Variants in CST2 observed in about 807,000 individuals in gnomAD.
The protein encoded by CST2 is cystatin SA.
In CST2, 26 loss-of-function variants were observed where a neutral mutation model predicts 13.4. The ratio of observed to expected loss-of-function variants is 1.95; its 90% confidence interval spans 1.43 to 2.70. CST2 has a LOEUF of 2.70. Among genes scored for constraint, CST2 ranks in the 30% most tolerant of loss-of-function variants. The pLI, the probability that CST2 is intolerant of heterozygous loss-of-function variation, is 0.00. For synonymous variants in CST2, 105 were observed against 71.1 expected (o/e 1.48, Z -2.40); for missense variants, 243 against 173.4 (o/e 1.40, Z -2.25).
At position 23,823,953 on chromosome 20, in the gene CST2, C is replaced by CCCA; in HGVS notation, c.*66_*67insTGG. 6.4e-7 allele frequency: 1 copy of CCCA among 1,567,346 alleles called. No individual in the cohort carries two copies. Among genetic ancestry groups the CCCA allele is most frequent in the Non-Finnish European group, 8.8e-7 (1 of 1,140,382 alleles). ...CTCCCACAGGGTGGGGGCCACCAGT[C>CCCA]CAGGGGTGGGAGCACTACAAGGGGT... On this transcript the variant is annotated 3_prime_UTR_variant, in exon 3 of 3. Transcript: ENST00000304725.
Position 23,826,649 on chromosome 20 carries a change from G to A in CST2, c.12C>T (p.Pro4=). 6.2e-7 allele frequency: 1 copy of A among 1,605,110 alleles called. No individual in the cohort carries two copies. Among genetic ancestry groups the A allele is most frequent in the Middle Eastern group, 2.0e-4 (1 of 5,084 alleles). The change falls in exon 1 of 3, where the codon CCC becomes CCT. Residue 4 remains proline (P), a synonymous_variant. Coordinates refer to ENST00000304725, the MANE Select transcript of CST2 (RefSeq NM_001322.3). ...CCAGCAGGAGCAGCAGGGTGCACAG[G>A]GGCCAGGCCATGGTCTCCTCGGAGG... MAW[P]LCTLLLLLAT...
chr20:23,826,643 G>T lies in CST2; in HGVS notation c.18C>A (p.Cys6Ter). The change falls in exon 1 of 3, where the codon TGC (cysteine) becomes TGA (stop). Residue 6 changes from cysteine (C) to a stop codon, truncating the protein, a stop_gained. Transcript: ENST00000304725. LOFTEE classifies it high-confidence loss of function. MAWPL[C>*]TLLLLLATQA... is the part of the protein sequence containing the mutation. ...GGGTGGCCAGCAGGAGCAGCAGGGT[G>T]CACAGGGGCCAGGCCATGGTCTCCT... 3.1e-6 allele frequency: 5 copies of T among 1,607,100 alleles called. No individual in the cohort carries two copies. The highest frequency in any genetic ancestry group is 4.2e-6 in the Non-Finnish European group (5 of 1,177,308).
chr20:23,824,892 C>G (rs2122133946), intron 2 of CST2, among the ~76,000 whole-genome samples: 1 of 152,176 alleles, frequency 6.6e-6, no homozygotes, highest in East Asian at 1.9e-4. Context: ...ACATAGGCAA[C>G]TACGTAAACT....
At chr20:23,826,372 T>C in intron 1 of CST2, 61 bp downstream of exon 1, 1 of 1,358,446 alleles carries the variant, frequency 7.4e-7, no homozygotes, top group Non-Finnish European at 1.0e-6. Flanking sequence ...CGAATGCTCT[T>C]ATGGATCGGG....
In CST2 at chr20:23,826,604, C is replaced by T; in HGVS notation, c.57G>A (p.Leu19=). 1.2e-6 allele frequency: 2 copies of T among 1,613,322 alleles called. No homozygotes were observed. The highest frequency in any genetic ancestry group is 1.7e-6 in the Non-Finnish European group (2 of 1,179,864). Residue 19 remains leucine, a synonymous_variant, in exon 1 of 3, where the codon CTG becomes CTA. Coordinates refer to ENST00000304725, the MANE Select transcript of CST2 (RefSeq NM_001322.3). The part of the protein sequence containing the change: ...LLLLATQAVA[L]AWSPQEEDRI... ...TGTCCTCCTCCTGGGGGCTCCAGGC[C>T]AGGGCCACAGCCTGGGTGGCCAGCA... is the stretch of plus-strand genomic sequence containing the variant.
rs112783512 is a variant in CST2 at position 23,826,465 on chromosome 20, G to A, written c.196C>T (p.Arg66Cys). ...CTGGCTCGTAGCACCCGCAGCAGGC[G>A]TCTGTAGTACTCATCTTCAGTGGCC... ...NKATEDEYYR[R>C]LLRVLRAREQ... The change falls in exon 1 of 3, where the codon CGC becomes TGC. Residue 66 changes from arginine (R) to cysteine (C), a missense_variant. Arg to Cys is a radical substitution (Grantham distance 180, BLOSUM62 -3). Transcript: ENST00000304725. 1.3e-4 allele frequency: 206 copies of A among 1,614,168 alleles called. No homozygotes were observed. Among genetic ancestry groups the A allele is most frequent in the African/African-American group, 8.3e-4 (62 of 75,056 alleles).
chr20:23,824,134 T>A, intron 2 of CST2, 31 bp from the exon 3 acceptor site: 1 of 1,609,762 alleles, frequency 6.2e-7, no homozygotes. Context: ...GGCCAATCAG[T>A]GTGAGTTACA....
chr20:23,825,776 G>T (rs1170222991), intron 1 of CST2, among the ~76,000 whole-genome samples: 1 of 152,216 alleles, frequency 6.6e-6, no homozygotes, highest in African/African-American at 2.4e-5. Context: ...ACAGCTGCAG[G>T]AGGAGAAATG....
chr20:23,826,480 C>T lies in CST2; in HGVS notation c.181G>A (p.Asp61Asn). 1 of 1,614,178 alleles carries T rather than the reference C, an allele frequency of 6.2e-7. No homozygotes were observed. Among genetic ancestry groups the T allele is most frequent in the Non-Finnish European group, 8.5e-7 (1 of 1,180,026 alleles). The change falls in exon 1 of 3, where the codon GAT becomes AAT. Residue 61 changes from aspartate to asparagine, a missense_variant. Asp to Asn is a conservative substitution (Grantham distance 23). Transcript: ENST00000304725. Reference sequence around the variant, plus strand: ...CGCAGCAGGCGTCTGTAGTACTCATCTTCAGTGGCCTTGTTATACTCGCTG... The same window carrying T: ...CGCAGCAGGCGTCTGTAGTACTCATTTTCAGTGGCCTTGTTATACTCGCTG... ...VISEYNKATE[D>N]EYYRRLLRVL...
chr20:23,824,581 G>A (rs1279438851), intron 2 of CST2, among the ~76,000 whole-genome samples: 2 of 152,186 alleles, frequency 1.3e-5, no homozygotes, highest in Non-Finnish European at 2.9e-5. Context: ...ACAAGAACCA[G>A]CAGGTCCCTG....
rs1301517242 is a variant in CST2 at position 23,825,202 on chromosome 20, G to A, written c.342+8C>T. 1.2e-6 allele frequency: 2 copies of A among 1,614,004 alleles called. No individual in the cohort carries two copies. Among genetic ancestry groups the A allele is most frequent in the Admixed American group, 3.3e-5 (2 of 59,998 alleles). On this transcript the variant is annotated splice_region_variant and intron_variant, in intron 2 of 2. Transcript: ENST00000304725. ...ATGACTGGCCTGGGACCCGCATCAG[G>A]AACGTACCTTCTGCAGTTCTGGCTG...
intron 1 of CST2, 46 bp downstream of exon 1, chr20:23,826,387 A>T: frequency 6.5e-7 from 1 of 1,541,368 alleles, no homozygotes; most frequent in Non-Finnish European, 9.0e-7. Context: ...ATCGGGCAAC[A>T]AACAAGGCTG....
chr20:23,824,376 G>C (rs1984760627), intron 2 of CST2, among the ~76,000 whole-genome samples: 1 of 152,118 alleles, frequency 6.6e-6, no homozygotes, highest in Admixed American at 6.5e-5. Flanking sequence ...GCCTGTGCAA[G>C]ACCTTGGGAG....
At chr20:23,825,008 G>A (rs1679480499) in intron 2 of CST2, among the ~76,000 whole-genome samples, 1 of 151,998 alleles carries the variant, frequency 6.6e-6, no homozygotes, top group African/African-American at 2.4e-5. Context: ...GCACATGTGT[G>A]TACACACATG....
intron 1 of CST2, among the ~76,000 whole-genome samples, chr20:23,825,789 G>A (rs1458933426): frequency 1.3e-5 from 2 of 152,188 alleles, no homozygotes; most frequent in African/African-American, 2.4e-5. Flanking sequence ...GAGAAATGGG[G>A]CTGGTCTGGA....
Position 23,823,944 on chromosome 20 carries a change from G to T in CST2, c.*76C>A. 2 of 1,520,726 alleles carry T rather than the reference G, an allele frequency of 1.3e-6. No individual in the cohort carries two copies. The highest frequency in any genetic ancestry group is 1.8e-6 in the Non-Finnish European group (2 of 1,100,684). The allele number at this position is 1,520,726 out of a possible 1,614,324, so 94.2% of individuals were successfully genotyped here. A position where few individuals can be genotyped will look rare whatever the true frequency, so the allele number is the denominator to read the frequency against. ...TGGGGAGACCTCCCACAGGGTGGGG[G>T]CCACCAGTCCAGGGGTGGGAGCACT... On this transcript the variant is annotated 3_prime_UTR_variant, in exon 3 of 3. Transcript: ENST00000304725.
chr20:23,825,440 A>G (rs971697396), intron 1 of CST2, 117 bp from the exon 2 acceptor site: 3 of 1,032,174 alleles, frequency 2.9e-6, no homozygotes, highest in African/African-American at 3.1e-5. Flanking sequence ...AGCTGCCCAC[A>G]TGTCAACACA....
At chr20:23,824,315 C>T (rs6138124) in intron 2 of CST2, among the ~76,000 whole-genome samples, 10,173 of 152,168 alleles carry the variant, frequency 0.067, 379 homozygotes, top group South Asian at 0.11. Flanking sequence ...TGGCATTGGG[C>T]CCCCACCGCA....
chr20:23,825,209 C>G lies in CST2; in HGVS notation c.342+1G>C. ...GCCTGGGACCCGCATCAGGAACGTA[C>G]CTTCTGCAGTTCTGGCTGTTCATGG... On this transcript the variant is annotated splice_donor_variant, in intron 2 of 2. Coordinates refer to ENST00000304725, the MANE Select transcript of CST2 (RefSeq NM_001322.3). LOFTEE classifies it high-confidence loss of function. 1 of 1,614,154 alleles carries G rather than the reference C, an allele frequency of 6.2e-7. No homozygotes were observed. Among genetic ancestry groups the G allele is most frequent in the Non-Finnish European group, 8.5e-7 (1 of 1,180,030 alleles).
Sources: gnomAD v4.1 joint callset for allele counts (sites outside exome capture counted in the v4.1 genomes callset) on GRCh38, gnomAD v4.1.1 for gene constraint, MANE v1.5 for transcripts, NCBI Gene and HGNC (gene_info 2026-07-23, HGNC 2026-07-21) for gene names.